Variants in SLC43A2 observed in about 807,000 individuals in gnomAD.
SLC43A2 encodes solute carrier family 43 member 2, also known as large neutral amino acids transporter small subunit 4.
A neutral mutation model predicts 63.2 loss-of-function variants in SLC43A2; 38 were observed. The ratio of observed to expected loss-of-function variants is 0.60; its 90% confidence interval spans 0.46 to 0.79. SLC43A2 has a LOEUF of 0.79. Among genes scored for constraint, SLC43A2 ranks in the 30% least tolerant of loss-of-function variants. SLC43A2 has a pLI of 0.00. For missense variants in SLC43A2, 644 were observed against 756.2 expected (o/e 0.85, Z 1.74); for synonymous variants, 322 against 331.0 (o/e 0.97, Z 0.30).
chr17:1,618,031 G>A (rs1047172149), intron 2 of SLC43A2, among the ~76,000 whole-genome samples: 1 of 152,226 alleles, frequency 6.6e-6, no homozygotes, highest in Non-Finnish European at 1.5e-5. Context: ...TCTTCTTCCG[G>A]TAACTGCCTG....
At position 1,577,156 on chromosome 17, in the gene SLC43A2, G is replaced by A. The variant is rs770831798; in HGVS notation, c.1425-436C>T. On this transcript the variant is annotated intron_variant, in intron 12 of 13. Transcript: ENST00000301335. This position sits in a 1 kb window ranked among gnomAD's most constrained non-coding sequence, Gnocchi z 4.9. Reference sequence around the variant, plus strand: ...TGGGATTACAGGCGTGAGCCACCGCGCCCGGCCCTGCTGGGTGGTTCTGCA... The same window carrying A: ...TGGGATTACAGGCGTGAGCCACCGCACCCGGCCCTGCTGGGTGGTTCTGCA... Among the ~76,000 whole-genome samples, 6 of 152,152 alleles carry A rather than the reference G, an allele frequency of 3.9e-5. No individual in the cohort carries two copies. The highest frequency in any genetic ancestry group is 4.1e-4 in the South Asian group (2 of 4,828).
intron 5 of SLC43A2, among the ~76,000 whole-genome samples, chr17:1,603,505 C>G (rs912656143): frequency 2.6e-5 from 4 of 152,030 alleles, no homozygotes; most frequent in African/African-American, 9.7e-5. Flanking sequence ...CACCATGAGG[C>G]CGGGCGCGGT....
chr17:1,581,571 C>T (rs189847277), intron 11 of SLC43A2, among the ~76,000 whole-genome samples: 1 of 152,320 alleles, frequency 6.6e-6, no homozygotes, highest in East Asian at 1.9e-4. Context: ...ACTCTTACTT[C>T]CCTCCTGGAC....
rs939622814 is a variant in SLC43A2 at position 1,570,223 on chromosome 17, T to A, written c.*5381A>T. 1 of 151,772 alleles carries A rather than the reference T, an allele frequency of 6.6e-6. No homozygotes were observed. Among genetic ancestry groups the A allele is most frequent in the African/African-American group, 2.4e-5 (1 of 41,280 alleles). 9.4% of individuals were successfully genotyped at this position (151,772 alleles called of 1,614,324 possible). ...TTTTGTATTTTTAGTAGAGTTGAGG[T>A]TTCACCATGTTGGTCAGGCTGGTCT... is the stretch of plus-strand genomic sequence containing the variant. On this transcript the variant is annotated 3_prime_UTR_variant, in exon 14 of 14. Transcript: ENST00000301335.
At chr17:1,613,007 C>T (rs1006854059) in intron 5 of SLC43A2, among the ~76,000 whole-genome samples, 188 bp downstream of exon 5, 1 of 152,096 alleles carries the variant, frequency 6.6e-6, no homozygotes, top group African/African-American at 2.4e-5. Context: ...TGTGAAGCCA[C>T]GCCCTGCTGC....
intron 5 of SLC43A2, among the ~76,000 whole-genome samples, chr17:1,602,412 G>A (rs1334657645): frequency 2.0e-5 from 3 of 152,128 alleles, no homozygotes; most frequent in Admixed American, 6.6e-5. Context: ...TTCAGAGGCC[G>A]AGGCAAGCGG....
chr17:1,616,773 T>C lies in SLC43A2; in HGVS notation c.161-4A>G, dbSNP rs750018507. The C allele has an allele frequency of 1.2e-6, 2 of 1,613,492 alleles. No individual in the cohort carries two copies. Among genetic ancestry groups the C allele is most frequent in the Non-Finnish European group, 8.5e-7 (1 of 1,179,968 alleles). ...ACTGTGCCATTGGTGACATTCTCTG[T>C]GTGAAGAGGGAAGGAAACCCTGACC... On this transcript the variant is annotated splice_region_variant and splice_polypyrimidine_tract_variant and intron_variant, in intron 2 of 13. Transcript: ENST00000301335.
chr17:1,587,083 C>CCG lies in SLC43A2; in HGVS notation c.1079-1033_1079-1032insCG, dbSNP rs1161915587. On this transcript the variant is annotated intron_variant, in intron 9 of 13. Coordinates refer to ENST00000301335, the MANE Select transcript of SLC43A2 (RefSeq NM_152346.3). ...CCATGCCCAGCACGCACTGCATTTC[C>CCG]CACACTGCGTTTCCCGCACTGCATT... 1.0e-4 allele frequency: 117 copies of CCG among 1,174,238 alleles called. 1 individual carries two copies. The highest frequency in any genetic ancestry group is 1.2e-4 in the Non-Finnish European group (102 of 833,718). 72.7% of individuals were successfully genotyped at this position (1,174,238 alleles called of 1,614,324 possible).
chr17:1,625,600 G>A (rs563226682), intron 2 of SLC43A2, among the ~76,000 whole-genome samples: 3 of 152,198 alleles, frequency 2.0e-5, no homozygotes, highest in African/African-American at 4.8e-5. Flanking sequence ...CAAATGCGGG[G>A]ATTTCTGGCC....
Position 1,578,141 on chromosome 17 carries a change from C to T in SLC43A2, c.1424+109G>A. 1 of 1,111,746 alleles carries T rather than the reference C, an allele frequency of 9.0e-7. No individual in the cohort carries two copies. 68.9% of individuals were successfully genotyped at this position (1,111,746 alleles called of 1,614,324 possible). ...GTCCCCTGAAGCAGGAAGATGAGCCCTTCTGGGACAGGCTGACCCTGCCTC... is the reference window on the plus strand; with the variant it reads ...GTCCCCTGAAGCAGGAAGATGAGCCTTTCTGGGACAGGCTGACCCTGCCTC... On this transcript the variant is annotated intron_variant, in intron 12 of 13. Coordinates refer to ENST00000301335, the MANE Select transcript of SLC43A2 (RefSeq NM_152346.3). This position sits in a 1 kb window ranked among gnomAD's most constrained non-coding sequence, Gnocchi z 6.5.
intron 9 of SLC43A2, among the ~76,000 whole-genome samples, chr17:1,587,417 T>C (rs9911701): frequency 0.94 from 143,903 of 152,316 alleles, 68,534 homozygotes; most frequent in East Asian, 1. Context: ...CTGCCCCTGA[T>C]GCCCAGCCAA....
At chr17:1,618,003 G>A (rs926814689) in intron 2 of SLC43A2, among the ~76,000 whole-genome samples, 1 of 152,204 alleles carries the variant, frequency 6.6e-6, no homozygotes, top group East Asian at 1.9e-4. Flanking sequence ...GGTCACGCTG[G>A]GAGAGTCAAG....
At chr17:1,614,916 G>C in intron 4 of SLC43A2, 63 bp downstream of exon 4, 1 of 1,561,016 alleles carries the variant, frequency 6.4e-7, no homozygotes, top group Non-Finnish European at 8.8e-7. Flanking sequence ...AGGTGGGCCT[G>C]GGAGCAGCTC....
intron 9 of SLC43A2, chr17:1,586,928 T>TGGGCCCCCCCCCCCCCCCAACCC: frequency 8.1e-7 from 1 of 1,232,912 alleles, no homozygotes; most frequent in Non-Finnish European, 1.1e-6. Context: ...TCCCTGACAA[T>TGGGCCCCCCCCCCCCCCCAACCC]CCCCCCCACC....
rs1907682982 is a variant in SLC43A2 at position 1,616,560 on chromosome 17, A to T, written c.368+2T>A. Reference sequence around the variant, plus strand: ...CCTGCCCCCTAAGGGACCCACACTGACCTGCCCAGCAGCCTGAGCTTCCTC... The same window carrying T: ...CCTGCCCCCTAAGGGACCCACACTGTCCTGCCCAGCAGCCTGAGCTTCCTC... On this transcript the variant is annotated splice_donor_variant, in intron 3 of 13. Coordinates refer to ENST00000301335, the MANE Select transcript of SLC43A2 (RefSeq NM_152346.3). LOFTEE classifies it high-confidence loss of function. 1.1e-5 allele frequency: 18 copies of T among 1,607,924 alleles called. No homozygotes were observed. Among genetic ancestry groups the T allele is most frequent in the Non-Finnish European group, 1.4e-5 (17 of 1,177,328 alleles).
In SLC43A2 at chr17:1,578,211, C is replaced by T; in HGVS notation, c.1424+39G>A. On this transcript the variant is annotated intron_variant, in intron 12 of 13. Transcript: ENST00000301335. The surrounding 1 kb of genome is among the most constrained non-coding windows in gnomAD (Gnocchi z 6.5). ...CAACCTCCCCCCGGCCATTCCCACACCCTCGCCCACCAGGCCACCTGCGGC... is the reference window on the plus strand; with the variant it reads ...CAACCTCCCCCCGGCCATTCCCACATCCTCGCCCACCAGGCCACCTGCGGC... 1 of 1,603,654 alleles carries T rather than the reference C, an allele frequency of 6.2e-7. No individual in the cohort carries two copies. The highest frequency in any genetic ancestry group is 8.5e-7 in the Non-Finnish European group (1 of 1,171,852).
chr17:1,621,576 G>A (rs1324691168), intron 2 of SLC43A2, among the ~76,000 whole-genome samples: 1 of 152,232 alleles, frequency 6.6e-6, no homozygotes, highest in African/African-American at 2.4e-5. Context: ...GTCCTGGGCT[G>A]ACCAGGGCCT....
At chr17:1,585,664 A>T in intron 10 of SLC43A2, 1 of 1,413,986 alleles carries the variant, frequency 7.1e-7, no homozygotes, top group Non-Finnish European at 9.4e-7. Flanking sequence ...CTGGGATTAC[A>T]GGCATGAGTC....
At chr17:1,620,736 T>G (rs1048785361) in intron 2 of SLC43A2, among the ~76,000 whole-genome samples, 11 of 152,104 alleles carry the variant, frequency 7.2e-5, no homozygotes, top group Non-Finnish European at 2.9e-5. Flanking sequence ...CCAGAAGCTC[T>G]GTTGACAGTA....
Sources: allele counts gnomAD v4.1 joint callset (sites outside exome capture counted in the v4.1 genomes callset), GRCh38; gene constraint gnomAD v4.1.1; non-coding constraint Gnocchi (gnomAD v3.1); transcripts MANE v1.5; gene names NCBI Gene and HGNC (gene_info 2026-07-23, HGNC 2026-07-21).